Variants in PTPRG observed in about 807,000 individuals in gnomAD.
The protein encoded by PTPRG is protein tyrosine phosphatase receptor type G.
In PTPRG, 102 loss-of-function variants were observed where a neutral mutation model predicts 165.3. That is an observed-to-expected ratio of 0.62 (90% CI 0.53 to 0.73). The LOEUF (loss-of-function observed/expected upper bound fraction) is 0.73, where lower values mean the gene tolerates loss of function less well. Ranked by LOEUF, PTPRG falls within the 30% of genes least tolerant of loss-of-function variation. The pLI, the probability that PTPRG is intolerant of heterozygous loss-of-function variation, is 0.00. For missense variants in PTPRG, 1,866 were observed against 1,861.4 expected (o/e 1.00, Z -0.05); for synonymous variants, 675 against 669.5 (o/e 1.01, Z -0.13).
intron 1 of PTPRG, among the ~76,000 whole-genome samples, chr3:61,636,371 A>G (rs1250893928): frequency 1.3e-5 from 2 of 152,202 alleles, no homozygotes; most frequent in Admixed American, 6.5e-5. Context: ...ACTAATTACT[A>G]TCTTATAAAT....
chr3:61,812,268 G>C (rs909794420), intron 2 of PTPRG, among the ~76,000 whole-genome samples: 1 of 150,456 alleles, frequency 6.6e-6, no homozygotes, highest in African/African-American at 2.4e-5. Flanking sequence ...TAGTTTAGCA[G>C]TGGTCCTGAC....
At chr3:62,120,778 G>C (rs1275285273) in intron 5 of PTPRG, among the ~76,000 whole-genome samples, 7 of 151,748 alleles carry the variant, frequency 4.6e-5, no homozygotes, top group African/African-American at 1.7e-4. Flanking sequence ...ATTGGAAGAT[G>C]AAAGATTGGG....
At chr3:61,571,262 GGAGCGGT>G (rs1429756081) in intron 1 of PTPRG, among the ~76,000 whole-genome samples, 1 of 152,166 alleles carries the variant, frequency 6.6e-6, no homozygotes, top group Non-Finnish European at 1.5e-5. Flanking sequence ...CAAGGCGCGG[GGAGCGGT>G]GGGGGGCGGT....
intron 4 of PTPRG, among the ~76,000 whole-genome samples, chr3:62,066,249 A>C (rs1161289513): frequency 6.6e-6 from 1 of 152,244 alleles, no homozygotes; most frequent in East Asian, 1.9e-4. Context: ...TCTAATGGTA[A>C]CTTTGGTTGA....
chr3:61,640,709 C>T (rs538224949), intron 1 of PTPRG, among the ~76,000 whole-genome samples: 10 of 152,280 alleles, frequency 6.6e-5, no homozygotes, highest in East Asian at 5.8e-4. Flanking sequence ...TTTAAAGAAA[C>T]GAAGTCTAAC....
chr3:62,223,579 C>A (rs773452012), intron 13 of PTPRG, among the ~76,000 whole-genome samples: 4 of 152,188 alleles, frequency 2.6e-5, no homozygotes, highest in Non-Finnish European at 4.4e-5. Context: ...GACTTCTCCA[C>A]CAACTTCGGT....
chr3:61,871,279 G>A (rs1323337286), intron 2 of PTPRG, among the ~76,000 whole-genome samples: 2 of 151,984 alleles, frequency 1.3e-5, no homozygotes, highest in Admixed American at 1.3e-4. Flanking sequence ...CCAGGCTGGA[G>A]TGCAGTGGCA....
At chr3:62,205,156 A>AT (rs1700198161) in intron 12 of PTPRG, among the ~76,000 whole-genome samples, 1 of 152,036 alleles carries the variant, frequency 6.6e-6, no homozygotes, top group South Asian at 2.1e-4. Context: ...CTATGAACTA[A>AT]TTTTTTGAAG....
chr3:61,634,095 T>G (rs1701837680), intron 1 of PTPRG, among the ~76,000 whole-genome samples: 1 of 151,922 alleles, frequency 6.6e-6, no homozygotes, highest in Non-Finnish European at 1.5e-5. Flanking sequence ...TTTTTATTTT[T>G]AGTAGAGATG....
chr3:62,075,039 G>A (rs766843471), intron 4 of PTPRG, among the ~76,000 whole-genome samples: 21 of 152,160 alleles, frequency 1.4e-4, no homozygotes, highest in Non-Finnish European at 2.8e-4. Flanking sequence ...GAGAAAAATA[G>A]TAAGAAAAAT....
chr3:62,146,616 AT>A (rs1704132306), intron 6 of PTPRG, among the ~76,000 whole-genome samples: 1 of 145,610 alleles, frequency 6.9e-6, no homozygotes, highest in South Asian at 2.2e-4. Context: ...GCTCATATGT[AT>A]TGCCTGTTGC....
intron 2 of PTPRG, among the ~76,000 whole-genome samples, chr3:61,833,167 G>T (rs1227293679): frequency 4.6e-5 from 7 of 151,816 alleles, no homozygotes; most frequent in Non-Finnish European, 7.4e-5. Flanking sequence ...TTGAAGGGTG[G>T]AGTAGAGTTA....
intron 5 of PTPRG, among the ~76,000 whole-genome samples, chr3:62,121,611 A>G (rs1026491845): frequency 2.0e-5 from 3 of 152,134 alleles, no homozygotes; most frequent in South Asian, 4.1e-4. Flanking sequence ...CACGTTTTCT[A>G]TGGAGTTACT....
chr3:61,917,216 C>A (rs540755248), intron 2 of PTPRG, among the ~76,000 whole-genome samples: 1 of 152,182 alleles, frequency 6.6e-6, no homozygotes, highest in African/African-American at 2.4e-5. Flanking sequence ...GGAACTCACA[C>A]GTTCCACAAA....
intron 5 of PTPRG, chr3:62,124,316 GC>G (rs1703202007): frequency 1.2e-6 from 2 of 1,607,732 alleles, no homozygotes; most frequent in Non-Finnish European, 8.5e-7. Flanking sequence ...CATCCTGGAT[GC>G]CTGGTTCTGC....
chr3:61,997,458 C>T (rs2041067250), intron 3 of PTPRG, among the ~76,000 whole-genome samples: 1 of 152,182 alleles, frequency 6.6e-6, no homozygotes. Flanking sequence ...GTCACCTTGG[C>T]TTTCTCTTAC....
chr3:62,192,270 C>T (rs1367913160), intron 9 of PTPRG, among the ~76,000 whole-genome samples: 1 of 152,038 alleles, frequency 6.6e-6, no homozygotes, highest in East Asian at 1.9e-4. Context: ...GCTACACGTG[C>T]CTAATTCAAT....
In PTPRG at chr3:62,217,924, C is replaced by T. The variant is rs1384354533; in HGVS notation, c.2156-927C>T. ...TCCTAAACTATTTGGCAAGCTTTCC[C>T]TGCTAACCTTTAGATTGTGGCTGCT... is the stretch of plus-strand genomic sequence containing the variant. On this transcript the variant is annotated intron_variant, in intron 12 of 29. Transcript: ENST00000474889. The surrounding 1 kb of genome is among the most constrained non-coding windows in gnomAD (Gnocchi z 4.3). The T allele has an allele frequency of 6.6e-6, 1 of 152,380 alleles. No homozygotes were observed. The highest frequency in any genetic ancestry group is 1.5e-5 in the Non-Finnish European group (1 of 68,166). 9.4% of individuals were successfully genotyped at this position (152,380 alleles called of 1,614,324 possible).
intron 1 of PTPRG, among the ~76,000 whole-genome samples, chr3:61,576,533 G>T (rs757909737): frequency 6.6e-6 from 1 of 152,220 alleles, no homozygotes; most frequent in Non-Finnish European, 1.5e-5. Context: ...GGTAGATGTT[G>T]CTAATTGATC....
Sources: allele counts gnomAD v4.1 joint callset (sites outside exome capture counted in the v4.1 genomes callset), GRCh38; gene constraint gnomAD v4.1.1; non-coding constraint Gnocchi (gnomAD v3.1); transcripts MANE v1.5; gene names NCBI Gene and HGNC (gene_info 2026-07-23, HGNC 2026-07-21).